Variants in ZMYM2 observed in about 807,000 individuals in gnomAD.
ZMYM2 encodes zinc finger MYM-type containing 2.
Under a neutral mutation model 162.8 loss-of-function variants are expected in ZMYM2, and 56 were observed. The observed-to-expected ratio is 0.34, with a 90% CI of 0.28 to 0.43. The LOEUF is 0.43. Among genes scored for constraint, ZMYM2 ranks in the 20% least tolerant of loss-of-function variants. The probability of loss-of-function intolerance (pLI) is 1.00; values close to 1 mark genes in which losing one functional copy is unlikely to be tolerated. For synonymous variants in ZMYM2, 510 were observed against 541.6 expected, an observed-to-expected ratio of 0.94 and a Z score of 0.81; for missense variants, 1,275 against 1,621.8, an observed-to-expected ratio of 0.79 and a Z score of 3.67.
At chr13:19,983,365 C>T (rs1594166796) in intron 2 of ZMYM2, among the ~76,000 whole-genome samples, 1 of 152,076 alleles carries the variant, frequency 6.6e-6, no homozygotes, top group Admixed American at 6.5e-5. Flanking sequence ...AGGCTGGTCT[C>T]AAACTCCTGA....
At chr13:19,986,371 CAA>C (rs113580487) in intron 2 of ZMYM2, among the ~76,000 whole-genome samples, 3 of 142,324 alleles carry the variant, frequency 2.1e-5, no homozygotes, top group South Asian at 2.2e-4. Context: ...CAAACAAAAA[CAA>C]AAAAAAAAAG....
Position 20,087,579 on chromosome 13 carries a change from CAAAAG to C in ZMYM2, c.*1569_*1573del, listed in dbSNP as rs1958346271. 5.4e-6 allele frequency: 1 copy of C among 185,408 alleles called. No individual in the cohort carries two copies. Among genetic ancestry groups the C allele is most frequent in the Admixed American group, 6.2e-5 (1 of 16,088 alleles). The allele number at this position is 185,408 out of a possible 1,614,324, so 11.5% of individuals were successfully genotyped here. On this transcript the variant is annotated 3_prime_UTR_variant, in exon 25 of 25. Transcript: ENST00000610343. ...CCCATAGGATAAATGTTACAGCACA[CAAAAG>C]AAATTTTCTCAATTCTGATTTGGAA... is the stretch of plus-strand genomic sequence containing the variant.
chr13:20,007,389 A>G (rs6416347), intron 6 of ZMYM2, among the ~76,000 whole-genome samples: 149,560 of 152,200 alleles, frequency 0.98, 73,539 homozygotes, highest in Middle Eastern at 1. Context: ...CACCTGCCTC[A>G]GCCTCCCAAA....
At chr13:19,987,620 C>CT (rs1555288015) in intron 2 of ZMYM2, among the ~76,000 whole-genome samples, 1 of 121,360 alleles carries the variant, frequency 8.2e-6, no homozygotes, top group Non-Finnish European at 1.7e-5. Context: ...GGGGTTTTGT[C>CT]GTGTGTGTGT....
chr13:19,970,173 A>T (rs1295368383), intron 2 of ZMYM2: 1 of 490,362 alleles, frequency 2.0e-6, no homozygotes, highest in Non-Finnish European at 2.6e-6. Context: ...TGGAACACCA[A>T]CAAGTGGTCA....
the ZMYM2 span, among the ~76,000 whole-genome samples, chr13:19,924,085 G>A: frequency 4.7e-4 from 72 of 152,046 alleles, 1 homozygote; most frequent in East Asian, 0.011. Flanking sequence ...TGTTCCATAA[G>A]GTTAACTATA....
chr13:19,975,752 CCA>C (rs1214895425), intron 2 of ZMYM2, among the ~76,000 whole-genome samples: 1 of 152,152 alleles, frequency 6.6e-6, no homozygotes, highest in Non-Finnish European at 1.5e-5. Flanking sequence ...AAACTGTTTT[CCA>C]CAGTGTGGTA....
At chr13:20,035,100 C>G (rs959111459) in intron 11 of ZMYM2, among the ~76,000 whole-genome samples, 19 of 152,178 alleles carry the variant, frequency 1.2e-4, no homozygotes, top group Admixed American at 6.6e-4. Context: ...TGGCACTGAA[C>G]TCCCAGCTTT....
chr13:19,949,880 TTG>T, the ZMYM2 span, among the ~76,000 whole-genome samples: 1 of 115,998 alleles, frequency 8.6e-6, no homozygotes, highest in Non-Finnish European at 1.8e-5. Flanking sequence ...GAGCGAGACT[TTG>T]TCAAAAAAAA....
chr13:19,995,157 A>T (rs113157842), intron 3 of ZMYM2, among the ~76,000 whole-genome samples: 2 of 151,724 alleles, frequency 1.3e-5, no homozygotes, highest in East Asian at 3.9e-4. Flanking sequence ...TTTATTTTTT[A>T]TTAAGAGTTG....
intron 20 of ZMYM2, 65 bp downstream of exon 20, chr13:20,067,084 CTTTAAA>C: frequency 6.8e-7 from 1 of 1,466,468 alleles, no homozygotes; most frequent in Non-Finnish European, 9.1e-7. Flanking sequence ...TATTGAGTAC[CTTTAAA>C]TTTAAAAAAC....
intron 2 of ZMYM2, among the ~76,000 whole-genome samples, chr13:19,963,129 G>A (rs1187481105): frequency 6.6e-6 from 1 of 152,128 alleles, no homozygotes; most frequent in Non-Finnish European, 1.5e-5. Context: ...GTGAGCCACC[G>A]TGCCGGCCTG....
intron 12 of ZMYM2, among the ~76,000 whole-genome samples, chr13:20,048,799 G>A (rs551756760): frequency 1.2e-5 from 1 of 86,522 alleles, no homozygotes; most frequent in African/African-American, 2.9e-5. Context: ...TTGAACCTGT[G>A]ACTTGTTTTT....
the ZMYM2 span, among the ~76,000 whole-genome samples, chr13:19,868,744 A>AATT: frequency 4.1e-4 from 63 of 152,006 alleles, no homozygotes; most frequent in African/African-American, 7.2e-4. Context: ...AATAGAACCA[A>AATT]ATTATTATTA....
chr13:19,954,524 G>T (rs1216362550), upstream of ZMYM2, among the ~76,000 whole-genome samples: 3 of 152,062 alleles, frequency 2.0e-5, no homozygotes, highest in Non-Finnish European at 4.4e-5. Context: ...GGATTCTGGA[G>T]CCAAGAATCC....
At chr13:19,920,642 G>C in the ZMYM2 span, among the ~76,000 whole-genome samples, 4 of 151,990 alleles carry the variant, frequency 2.6e-5, no homozygotes, top group African/African-American at 4.8e-5. Context: ...GGAGCAAAGA[G>C]AAAGGAAAAA....
chr13:19,904,467 A>G, the ZMYM2 span, among the ~76,000 whole-genome samples: 1 of 152,236 alleles, frequency 6.6e-6, no homozygotes, highest in South Asian at 2.1e-4. Context: ...CTGAGGCAGG[A>G]GAATTGCTTG....
At chr13:19,883,055 G>C in the ZMYM2 span, among the ~76,000 whole-genome samples, 1 of 152,132 alleles carries the variant, frequency 6.6e-6, no homozygotes. Flanking sequence ...ACATACAATG[G>C]AATATTATTG....
rs58588019 is a variant in ZMYM2, at chr13:19,987,111, C to CAAAA, written c.-10-5926_-10-5923dup. Among the ~76,000 whole-genome samples the CAAAA allele has an allele frequency of 2.9e-3, 118 of 40,924 alleles. 5 individuals carry two copies. The highest frequency in any genetic ancestry group is 6.2e-3 in the African/African-American group (93 of 14,914). 26.8% of individuals were successfully genotyped at this position (40,924 alleles called of 152,430 possible). ...TGGGCAAGAGAGCAAGGCTCCGTCT[C>CAAAA]AAAAAAAAAAAAAAAAAAAAAAAAA... On this transcript the variant is annotated intron_variant, in intron 2 of 24. Coordinates refer to ENST00000610343, the MANE Select transcript of ZMYM2 (RefSeq NM_197968.4).
Sources: gnomAD v4.1 joint callset for allele counts (sites outside exome capture counted in the v4.1 genomes callset) on GRCh38, gnomAD v4.1.1 for gene constraint, MANE v1.5 for transcripts, NCBI Gene and HGNC (gene_info 2026-07-23, HGNC 2026-07-21) for gene names.